DENND5B: variants seen among roughly 807,000 people sequenced by gnomAD.
DENND5B encodes the protein DENN domain containing 5B.
In DENND5B, 34 loss-of-function variants were observed where a neutral mutation model predicts 140.6. That is an observed-to-expected ratio of 0.24 (90% CI 0.18 to 0.32). The LOEUF is 0.32. DENND5B is among the 10% of genes least tolerant of loss of function. The probability of loss-of-function intolerance (pLI) is 1.00; values close to 1 mark genes in which losing one functional copy is unlikely to be tolerated. For synonymous variants in DENND5B, 551 were observed against 562.1 expected (o/e 0.98, Z 0.28); for missense variants, 1,142 against 1,560.2 (o/e 0.73, Z 4.52).
intron 1 of DENND5B, among the ~76,000 whole-genome samples, chr12:31,576,071 G>A (rs1455993534): frequency 6.6e-6 from 1 of 150,560 alleles, no homozygotes; most frequent in African/African-American, 2.4e-5. Flanking sequence ...AGCCAGGGAG[G>A]TTGAGGTTAC....
At chr12:31,495,379 CT>C (rs1293809907) in intron 2 of DENND5B, among the ~76,000 whole-genome samples, 3 of 63,554 alleles carry the variant, frequency 4.7e-5, no homozygotes, top group African/African-American at 2.2e-4. Flanking sequence ...TATCACATTT[CT>C]TTTTTTTTCT....
Position 31,495,804 on chromosome 12 carries a change from A to G in DENND5B, c.237+6T>C. 1.9e-6 allele frequency: 3 copies of G among 1,598,154 alleles called. No individual in the cohort carries two copies. The highest frequency in any genetic ancestry group is 2.6e-6 in the Non-Finnish European group (3 of 1,171,574). Reference sequence around the variant, plus strand: ...AAGAGTAAATGAGGGGAAAAAAAACACATACCATGTTCACCGCATCTTGAT... The same window carrying G: ...AAGAGTAAATGAGGGGAAAAAAAACGCATACCATGTTCACCGCATCTTGAT... On this transcript the variant is annotated splice_donor_region_variant and intron_variant, in intron 2 of 20. Transcript: ENST00000389082.
chr12:31,497,426 A>G (rs1292093120), intron 1 of DENND5B, among the ~76,000 whole-genome samples: 1 of 151,914 alleles, frequency 6.6e-6, no homozygotes, highest in African/African-American at 2.4e-5. Context: ...CCTTAAGGAG[A>G]GTTTATCAAT....
intron 1 of DENND5B, among the ~76,000 whole-genome samples, chr12:31,549,092 G>GTC (rs2139226025): frequency 6.6e-6 from 1 of 152,186 alleles, no homozygotes; most frequent in Admixed American, 6.5e-5. Context: ...GAGACACGAA[G>GTC]TCTCGCTTTG....
intron 1 of DENND5B, among the ~76,000 whole-genome samples, chr12:31,519,756 T>A (rs1371856271): frequency 6.6e-6 from 1 of 152,246 alleles, no homozygotes. Flanking sequence ...CTGCAACAGA[T>A]AAGCATGCTT....
intron 14 of DENND5B, among the ~76,000 whole-genome samples, chr12:31,408,285 C>G (rs968892187): frequency 6.6e-6 from 1 of 150,398 alleles, no homozygotes; most frequent in African/African-American, 2.4e-5. Flanking sequence ...GGTGACAGAG[C>G]CAGACACCAT....
At chr12:31,558,093 G>C (rs58320672) in intron 1 of DENND5B, among the ~76,000 whole-genome samples, 2,557 of 152,192 alleles carry the variant, frequency 0.017, 72 homozygotes, top group African/African-American at 0.058. Flanking sequence ...CAATCGCATA[G>C]ACTAGTCTTA....
chr12:31,508,038 C>T (rs1947269740), intron 1 of DENND5B, among the ~76,000 whole-genome samples: 1 of 152,032 alleles, frequency 6.6e-6, no homozygotes, highest in African/African-American at 2.4e-5. Context: ...CAAATCTTTC[C>T]CCATTACTAA....
intron 7 of DENND5B, among the ~76,000 whole-genome samples, chr12:31,441,268 T>C (rs961484985): frequency 6.6e-6 from 1 of 151,954 alleles, no homozygotes; most frequent in Non-Finnish European, 1.5e-5. Flanking sequence ...CACGTGAGCC[T>C]GGGGAGGTCA....
chr12:31,437,435 T>C (rs1039389140), intron 7 of DENND5B, among the ~76,000 whole-genome samples: 1 of 152,120 alleles, frequency 6.6e-6, no homozygotes, highest in African/African-American at 2.4e-5. Flanking sequence ...TGCCTGGCCA[T>C]CATCTGCCCC....
chr12:31,420,045 ACCCCCTGCCAAAATC>A lies in DENND5B; in HGVS notation c.2470+3537_2470+3551del, dbSNP rs1228288835. On this transcript the variant is annotated intron_variant, in intron 11 of 20. Coordinates refer to ENST00000389082, the MANE Select transcript of DENND5B (RefSeq NM_144973.4). ...CCTTCAGTGGAAGGGCTCTACACCT[ACCCCCTGCCAAAATC>A]CATTTCCAGTTTAGTAGAACCTTGT... 3 of 984,084 alleles carry A rather than the reference ACCCCCTGCCAAAATC, an allele frequency of 3.0e-6. No individual in the cohort carries two copies. In the African/African-American group the frequency reaches 5.3e-5, roughly 17 times the overall value. 61.0% of individuals were successfully genotyped at this position (984,084 alleles called of 1,614,324 possible).
At chr12:31,579,984 T>A (rs1950164949) in intron 1 of DENND5B, among the ~76,000 whole-genome samples, 1 of 147,002 alleles carries the variant, frequency 6.8e-6, no homozygotes, top group Non-Finnish European at 1.5e-5. Context: ...AAAAAATATA[T>A]ATATAGGATT....
At chr12:31,428,399 CAG>C (rs1433724318) in intron 8 of DENND5B, among the ~76,000 whole-genome samples, 1 of 151,992 alleles carries the variant, frequency 6.6e-6, no homozygotes, top group Non-Finnish European at 1.5e-5. Context: ...ATGAGAACTG[CAG>C]AGTTTATTTT....
chr12:31,431,190 C>G (rs1210379461), intron 8 of DENND5B, among the ~76,000 whole-genome samples: 1 of 152,160 alleles, frequency 6.6e-6, no homozygotes, highest in African/African-American at 2.4e-5. Context: ...GAAAATATAT[C>G]CTATTATTCA....
intron 1 of DENND5B, among the ~76,000 whole-genome samples, chr12:31,538,712 C>CA (rs1019380276): frequency 4.0e-5 from 6 of 151,694 alleles, no homozygotes; most frequent in African/African-American, 1.2e-4. Flanking sequence ...ACTAAAAATA[C>CA]AAAAAAATTA....
At chr12:31,547,427 G>C (rs1948899809) in intron 1 of DENND5B, among the ~76,000 whole-genome samples, 1 of 152,170 alleles carries the variant, frequency 6.6e-6, no homozygotes, top group Non-Finnish European at 1.5e-5. Context: ...TTTTGAGACA[G>C]AGTCTCGGTC....
intron 7 of DENND5B, among the ~76,000 whole-genome samples, chr12:31,433,814 TTCGAGACC>T (rs1244932481): frequency 1.3e-5 from 2 of 148,442 alleles, no homozygotes; most frequent in Non-Finnish European, 3.0e-5. Flanking sequence ...AGGCCAGTAG[TTCGAGACC>T]AGCCTAGGCA....
At chr12:31,455,155 T>G (rs1944713486) in intron 4 of DENND5B, among the ~76,000 whole-genome samples, 1 of 152,124 alleles carries the variant, frequency 6.6e-6, no homozygotes, top group Admixed American at 6.6e-5. Flanking sequence ...AAAAATTTAC[T>G]AATTTGCTAA....
chr12:31,403,356 T>C (rs1433034480), intron 14 of DENND5B, among the ~76,000 whole-genome samples: 2 of 151,616 alleles, frequency 1.3e-5, no homozygotes, highest in South Asian at 4.2e-4. Context: ...CACGAGAGGT[T>C]AGATGTTATG....
Sources: allele counts gnomAD v4.1 joint callset (sites outside exome capture counted in the v4.1 genomes callset), GRCh38; gene constraint gnomAD v4.1.1; transcripts MANE v1.5; gene names NCBI Gene and HGNC (gene_info 2026-07-23, HGNC 2026-07-21).